PRR5L: variants seen among roughly 807,000 people sequenced by gnomAD.
The protein encoded by PRR5L is proline rich 5 like, also known as proline-rich protein 5-like.
Under a neutral mutation model 36.4 loss-of-function variants are expected in PRR5L, and 21 were observed. That is an observed-to-expected ratio of 0.58 (90% CI 0.41 to 0.83). The LOEUF (loss-of-function observed/expected upper bound fraction) is 0.83. PRR5L is among the 40% of genes least tolerant of loss of function. PRR5L has a pLI of 0.00. For missense variants in PRR5L, 381 were observed against 473.3 expected, an observed-to-expected ratio of 0.80 and a Z score of 1.81; for synonymous variants, 188 against 197.0, an observed-to-expected ratio of 0.95 and a Z score of 0.38.
intron 1 of PRR5L, chr11:36,376,487 C>A: frequency 9.2e-7 from 1 of 1,084,174 alleles, no homozygotes; most frequent in Non-Finnish European, 1.1e-6. Context: ...TGGACGGGAC[C>A]CCATCTGAGG....
At chr11:36,320,239 C>CTTTT (rs34085047) in intron 1 of PRR5L, among the ~76,000 whole-genome samples, 7 of 94,896 alleles carry the variant, frequency 7.4e-5, no homozygotes, top group African/African-American at 1.2e-4. Flanking sequence ...AACTGGGAAT[C>CTTTT]TTTTTTTTTT....
intron 5 of PRR5L, among the ~76,000 whole-genome samples, chr11:36,432,700 A>G (rs1365162314): frequency 1.3e-5 from 2 of 152,222 alleles, no homozygotes; most frequent in Non-Finnish European, 2.9e-5. Context: ...TACCTGGCAC[A>G]CAGGCGAACA....
chr11:36,442,345 ATTTTTT>A (rs59412923), intron 6 of PRR5L, among the ~76,000 whole-genome samples: 11 of 147,240 alleles, frequency 7.5e-5, no homozygotes, highest in Non-Finnish European at 1.6e-4. Context: ...GTTTCTTATA[ATTTTTT>A]TTTTTTTCGA....
At chr11:36,362,663 C>A (rs1156286756) in intron 1 of PRR5L, among the ~76,000 whole-genome samples, 1 of 152,198 alleles carries the variant, frequency 6.6e-6, no homozygotes, top group African/African-American at 2.4e-5. Flanking sequence ...CTCCACCCAT[C>A]TTTCCTTTCT....
chr11:36,361,065 A>G (rs749567574), intron 1 of PRR5L, among the ~76,000 whole-genome samples: 34 of 152,186 alleles, frequency 2.2e-4, no homozygotes, highest in Non-Finnish European at 4.1e-4. Context: ...ACTGGTCCCC[A>G]CCTATGTAAC....
At chr11:36,379,945 AAC>A (rs1487744757) in intron 1 of PRR5L, among the ~76,000 whole-genome samples, 1 of 152,168 alleles carries the variant, frequency 6.6e-6, no homozygotes. Flanking sequence ...CAGATGAGAA[AAC>A]AGAGGCTCAG....
At chr11:36,322,291 T>C (rs1310538176) in intron 1 of PRR5L, among the ~76,000 whole-genome samples, 1 of 152,190 alleles carries the variant, frequency 6.6e-6, no homozygotes, top group Non-Finnish European at 1.5e-5. Flanking sequence ...TTAAAGTAGA[T>C]GTTACCAGTA....
At chr11:36,360,929 T>G (rs1056079362) in intron 1 of PRR5L, among the ~76,000 whole-genome samples, 2 of 152,206 alleles carry the variant, frequency 1.3e-5, no homozygotes, top group African/African-American at 4.8e-5. Flanking sequence ...CAGAGACCCC[T>G]GAAGTTGCCT....
chr11:36,317,758 T>C (rs906638422), intron 1 of PRR5L, among the ~76,000 whole-genome samples: 2 of 152,328 alleles, frequency 1.3e-5, no homozygotes, highest in African/African-American at 4.8e-5. Flanking sequence ...GTGGTTTTAA[T>C]TGGCATCTTC....
At position 36,448,357 on chromosome 11, in the gene PRR5L, C is replaced by A. The variant is rs145224149; in HGVS notation, c.585+1917C>A. 5.4e-3 allele frequency among the ~76,000 whole-genome samples: 826 copies of A among 152,256 alleles called. 7 individuals are homozygous for A. Among genetic ancestry groups the A allele is most frequent in the African/African-American group, 0.017 (722 of 41,544 alleles). ...CTTAGAAAAACAGCCCAAGTCTGTA[C>A]CCTGGCCTTCAGCATCTCCCACCCT... On this transcript the variant is annotated intron_variant, in intron 7 of 8. Transcript: ENST00000530639.
intron 1 of PRR5L, chr11:36,398,800 G>A (rs1857725801): frequency 6.6e-6 from 1 of 152,250 alleles, no homozygotes; most frequent in African/African-American, 2.4e-5. Context: ...CAGTTTCCTG[G>A]AGAAGTGGAT....
rs116042085 is a variant in PRR5L, at chr11:36,331,110, T to C, written c.-126+34672T>C. 5.8e-3 allele frequency among the ~76,000 whole-genome samples: 885 copies of C among 152,280 alleles called. 10 individuals carry two copies. Among genetic ancestry groups the C allele is most frequent in the African/African-American group, 0.02 (839 of 41,564 alleles). ...CATGAGCCACCACACCTGGTCCACATTGACAGATTTCTAAGAACATTATAC... is the reference window on the plus strand; with the variant it reads ...CATGAGCCACCACACCTGGTCCACACTGACAGATTTCTAAGAACATTATAC... On this transcript the variant is annotated intron_variant, in intron 1 of 8. Coordinates refer to ENST00000530639, the MANE Select transcript of PRR5L (RefSeq NM_001160167.2).
intron 1 of PRR5L, among the ~76,000 whole-genome samples, chr11:36,320,421 T>A (rs1321317033): frequency 6.6e-6 from 1 of 151,176 alleles, no homozygotes; most frequent in Non-Finnish European, 1.5e-5. Flanking sequence ...TTTTTTTTTA[T>A]GAACTGGGAA....
Position 36,401,049 on chromosome 11 carries a change from CT to C in PRR5L, c.-72del, listed in dbSNP as rs1339693913. 2.5e-6 allele frequency: 4 copies of C among 1,569,492 alleles called. No homozygotes were observed. The highest frequency in any genetic ancestry group is 1.7e-4 in the Middle Eastern group (1 of 5,872). On this transcript the variant is annotated 5_prime_UTR_variant, in exon 2 of 9. It introduces an in-frame stop codon into an upstream open reading frame of the 5' UTR. Transcript: ENST00000530639. Reference sequence around the variant, plus strand: ...AAGCCTGAGGGCCTGAAGGCAGCCCCTGGAGAAGCCCTTTCCGAGGGCATTC... The same window carrying C: ...AAGCCTGAGGGCCTGAAGGCAGCCCCGGAGAAGCCCTTTCCGAGGGCATTC...
Position 36,437,306 on chromosome 11 carries a change from C to T in PRR5L, c.353-79C>T. The T allele has an allele frequency of 4.2e-6, 4 of 962,520 alleles. No individual in the cohort carries two copies. The South Asian group carries it at 5.1e-5, about 12-fold the overall frequency. The allele number at this position is 962,520 out of a possible 1,614,324, so 59.6% of individuals were successfully genotyped here. ...GTGCAGCTTGACATTTTATGTGGAA[C>T]TGTCTTCTGGCCTCTCCTACAAGTA... On this transcript the variant is annotated intron_variant, in intron 5 of 8. Coordinates refer to ENST00000530639, the MANE Select transcript of PRR5L (RefSeq NM_001160167.2).
chr11:36,323,621 GT>G (rs1406394591), intron 1 of PRR5L, among the ~76,000 whole-genome samples: 2 of 152,204 alleles, frequency 1.3e-5, no homozygotes. Context: ...ATACGTTTCT[GT>G]TTTTTGCTGA....
intron 1 of PRR5L, among the ~76,000 whole-genome samples, chr11:36,306,945 T>C (rs1856440410): frequency 6.6e-6 from 1 of 152,194 alleles, no homozygotes; most frequent in African/African-American, 2.4e-5. Flanking sequence ...TCTCTTCTCC[T>C]TGAGGCTCCT....
At chr11:36,414,844 G>T (rs1320251081) in intron 3 of PRR5L, among the ~76,000 whole-genome samples, 1 of 145,024 alleles carries the variant, frequency 6.9e-6, no homozygotes, top group Non-Finnish European at 1.5e-5. Context: ...TATGGTTTTA[G>T]GTCTAACGTT....
chr11:36,409,480 T>C (rs1857980881), intron 3 of PRR5L, among the ~76,000 whole-genome samples: 1 of 152,034 alleles, frequency 6.6e-6, no homozygotes, highest in South Asian at 2.1e-4. Context: ...CAGGTCTGAG[T>C]TGAAATATCT....
Sources: allele counts gnomAD v4.1 joint callset (sites outside exome capture counted in the v4.1 genomes callset), GRCh38; gene constraint gnomAD v4.1.1; transcripts MANE v1.5; gene names NCBI Gene and HGNC (gene_info 2026-07-23, HGNC 2026-07-21).